The following RBFOX1 variants were observed in gnomAD, a reference collection of about 807,000 sequenced individuals.
RBFOX1 encodes RNA binding fox-1 homolog 1, also known as RNA binding protein fox-1 homolog 1.
In RBFOX1, 8 loss-of-function variants were observed where a neutral mutation model predicts 57.7. That is an observed-to-expected ratio of 0.14 (90% CI 0.08 to 0.25). The LOEUF is 0.25. Ranked by LOEUF, RBFOX1 falls within the 10% of genes least tolerant of loss-of-function variation. The pLI, the probability that RBFOX1 is intolerant of heterozygous loss-of-function variation, is 1.00. For missense variants in RBFOX1, 611 were observed against 548.5 expected (o/e 1.11, Z -1.14); for synonymous variants, 326 against 222.4 (o/e 1.47, Z -4.15).
intron 2 of RBFOX1, among the ~76,000 whole-genome samples, chr16:6,515,928 T>A (rs4786876): frequency 6.6e-5 from 10 of 152,092 alleles, no homozygotes; most frequent in Admixed American, 2.0e-4. Context: ...GGAATGAGTC[T>A]GTGAAACCTG....
intron 1 of RBFOX1, among the ~76,000 whole-genome samples, chr16:6,085,592 C>G (rs2096072207): frequency 6.6e-6 from 1 of 151,932 alleles, no homozygotes; most frequent in African/African-American, 2.4e-5. Context: ...TTTTAGGATA[C>G]CCTTGGTTCT....
At chr16:7,670,290 C>T (rs575054334) in intron 13 of RBFOX1, among the ~76,000 whole-genome samples, 36 of 152,230 alleles carry the variant, frequency 2.4e-4, no homozygotes, top group African/African-American at 8.4e-4. Flanking sequence ...CCTTGGCCTC[C>T]CAAAGTGCTA....
At chr16:7,193,150 C>T (rs1409605584) in intron 4 of RBFOX1, among the ~76,000 whole-genome samples, 3 of 152,188 alleles carry the variant, frequency 2.0e-5, no homozygotes, top group East Asian at 1.9e-4. Flanking sequence ...CCTGGATTAT[C>T]TGGATGGATC....
At chr16:7,434,534 A>G (rs978270262) in intron 4 of RBFOX1, among the ~76,000 whole-genome samples, 1 of 152,072 alleles carries the variant, frequency 6.6e-6, no homozygotes, top group African/African-American at 2.4e-5. Flanking sequence ...GAGGAGATGG[A>G]CTGGGAAATA....
At chr16:6,419,812 A>G (rs1228641158) in intron 2 of RBFOX1, among the ~76,000 whole-genome samples, 1 of 152,182 alleles carries the variant, frequency 6.6e-6, no homozygotes, top group Non-Finnish European at 1.5e-5. Context: ...GATTATGAAG[A>G]CAAGCTGTGC....
chr16:7,300,608 T>G (rs553395577), intron 4 of RBFOX1, among the ~76,000 whole-genome samples: 1 of 73,672 alleles, frequency 1.4e-5, no homozygotes, highest in African/African-American at 4.8e-5. Flanking sequence ...GCAACTCTTA[T>G]AGAAAGTATT....
intron 3 of RBFOX1, among the ~76,000 whole-genome samples, chr16:6,794,384 T>A (rs184474436): frequency 6.6e-6 from 1 of 151,764 alleles, no homozygotes; most frequent in East Asian, 2.0e-4. Flanking sequence ...ACTACACTCT[T>A]TGAAAAAAAA....
At chr16:6,242,378 TA>T (rs1370227558) in intron 1 of RBFOX1, among the ~76,000 whole-genome samples, 9 of 151,902 alleles carry the variant, frequency 5.9e-5, no homozygotes, top group African/African-American at 1.9e-4. Context: ...TTCTTTTTTT[TA>T]AAAAAAGTCT....
chr16:5,856,175 CTCTCTCTCTCTCTATATATA>C (rs1567630612), intron 3 of RBFOX1, among the ~76,000 whole-genome samples: 5 of 57,730 alleles, frequency 8.7e-5, no homozygotes, highest in African/African-American at 3.2e-4. Context: ...CTCTCTCTCT[CTCTCTCTCTCTCTATATATA>C]TATATATATA....
At chr16:7,033,662 G>A (rs1175583820) in intron 3 of RBFOX1, among the ~76,000 whole-genome samples, 1 of 152,160 alleles carries the variant, frequency 6.6e-6, no homozygotes, top group Non-Finnish European at 1.5e-5. Flanking sequence ...GATGAGGAAG[G>A]GAGGCTGGGA....
At chr16:7,014,662 C>G (rs9936042) in intron 3 of RBFOX1, among the ~76,000 whole-genome samples, 18,464 of 152,094 alleles carry the variant, frequency 0.12, 1,999 homozygotes, top group East Asian at 0.27. Context: ...CTCAGTCTTT[C>G]AAGGTAATGG....
chr16:6,804,344 A>C (rs1419138219), intron 3 of RBFOX1, among the ~76,000 whole-genome samples: 1 of 152,136 alleles, frequency 6.6e-6, no homozygotes, highest in Non-Finnish European at 1.5e-5. Flanking sequence ...TAAATTGATA[A>C]GACTTCTTCC....
rs574062377 is a variant in RBFOX1 at position 7,215,612 on chromosome 16, C to G, written c.27+163514C>G. Among the ~76,000 whole-genome samples the G allele has an allele frequency of 2.0e-5, 3 of 152,192 alleles. No homozygotes were observed. The East Asian group carries it at 5.8e-4, about 29-fold the overall frequency. ...CCATGACCACATTCTAAATTTACACCATCTTTATAACCCTCAAAAGATCCT... is the reference window on the plus strand; with the variant it reads ...CCATGACCACATTCTAAATTTACACGATCTTTATAACCCTCAAAAGATCCT... On this transcript the variant is annotated intron_variant, in intron 4 of 15. Coordinates refer to ENST00000550418, the MANE Select transcript of RBFOX1 (RefSeq NM_018723.4).
intron 1 of RBFOX1, among the ~76,000 whole-genome samples, chr16:5,295,517 T>C (rs1186178247): frequency 6.6e-6 from 1 of 152,170 alleles, no homozygotes; most frequent in Non-Finnish European, 1.5e-5. Context: ...TGACGGGTGA[T>C]TGATCTGCTT....
At chr16:5,284,317 A>G (rs899778537) in intron 1 of RBFOX1, among the ~76,000 whole-genome samples, 1 of 151,834 alleles carries the variant, frequency 6.6e-6, no homozygotes, top group African/African-American at 2.4e-5. Flanking sequence ...TTCCCTCATT[A>G]TTTATGGTTG....
intron 4 of RBFOX1, among the ~76,000 whole-genome samples, chr16:7,175,093 T>A (rs1383032681): frequency 6.6e-6 from 1 of 152,094 alleles, no homozygotes; most frequent in Non-Finnish European, 1.5e-5. Flanking sequence ...GCACGTTTGT[T>A]ACATAGGTAA....
At chr16:6,933,558 C>T (rs935644397) in intron 3 of RBFOX1, among the ~76,000 whole-genome samples, 2 of 152,124 alleles carry the variant, frequency 1.3e-5, no homozygotes, top group African/African-American at 4.8e-5. Flanking sequence ...ACTAAAAATG[C>T]AAAAATTATC....
At chr16:7,348,475 G>A (rs150579470) in intron 4 of RBFOX1, among the ~76,000 whole-genome samples, 28 of 151,870 alleles carry the variant, frequency 1.8e-4, no homozygotes, top group Non-Finnish European at 7.4e-5. Flanking sequence ...CACATATTCC[G>A]TGTCCTTTCC....
chr16:6,759,935 A>G (rs956595038), intron 3 of RBFOX1, among the ~76,000 whole-genome samples: 4 of 152,184 alleles, frequency 2.6e-5, no homozygotes, highest in Admixed American at 1.3e-4. Flanking sequence ...TTAATCATTT[A>G]TCAAATATTA....
Sources: gnomAD v4.1 joint callset for allele counts (sites outside exome capture counted in the v4.1 genomes callset) on GRCh38, gnomAD v4.1.1 for gene constraint, MANE v1.5 for transcripts, NCBI Gene and HGNC (gene_info 2026-07-23, HGNC 2026-07-21) for gene names.